Variants in TMOD2 observed in about 807,000 individuals in gnomAD.
TMOD2 encodes tropomodulin 2, also known as tropomodulin-2.
Under a neutral mutation model 39.9 loss-of-function variants are expected in TMOD2, and 22 were observed. That is an observed-to-expected ratio of 0.55 (90% CI 0.39 to 0.79). The LOEUF is 0.79. Ranked by LOEUF, TMOD2 falls within the 30% of genes least tolerant of loss-of-function variation. The pLI, the probability that TMOD2 is intolerant of heterozygous loss-of-function variation, is 0.00. For synonymous variants in TMOD2, 123 were observed against 146.1 expected, an observed-to-expected ratio of 0.84 and a Z score of 1.14; for missense variants, 386 against 413.3, an observed-to-expected ratio of 0.93 and a Z score of 0.57.
intron 1 of TMOD2, among the ~76,000 whole-genome samples, chr15:51,762,983 T>C (rs540354823): frequency 2.0e-5 from 3 of 152,218 alleles, no homozygotes; most frequent in Non-Finnish European, 4.4e-5. Context: ...TTGCCCAGGC[T>C]GGAGTGCAGT....
chr15:51,761,243 G>A (rs2055778718), intron 1 of TMOD2, among the ~76,000 whole-genome samples: 1 of 130,470 alleles, frequency 7.7e-6, no homozygotes, highest in African/African-American at 2.8e-5. Context: ...GAAAAGAAGG[G>A]GTGGTGTGAA....
chr15:51,762,863 G>T (rs912337617), intron 1 of TMOD2, among the ~76,000 whole-genome samples: 1 of 152,104 alleles, frequency 6.6e-6, no homozygotes, highest in African/African-American at 2.4e-5. Context: ...CCATGTTTTT[G>T]TGTACATCAA....
intron 7 of TMOD2, chr15:51,783,255 G>C (rs2055943941): frequency 6.0e-6 from 1 of 167,232 alleles, no homozygotes; most frequent in African/African-American, 2.4e-5. Context: ...AGGCTGAGGT[G>C]GGTGGATCAT....
At chr15:51,765,127 A>T (rs1321508036) in intron 1 of TMOD2, among the ~76,000 whole-genome samples, 1 of 152,062 alleles carries the variant, frequency 6.6e-6, no homozygotes, top group East Asian at 1.9e-4. Flanking sequence ...CAGCCTCCCG[A>T]CTAGCTGGGA....
chr15:51,758,776 G>A (rs1395817001), intron 1 of TMOD2, among the ~76,000 whole-genome samples: 1 of 152,174 alleles, frequency 6.6e-6, no homozygotes. Context: ...CTGAAGAAGT[G>A]AAGCTTGCAT....
intron 6 of TMOD2, among the ~76,000 whole-genome samples, chr15:51,781,619 G>A (rs55887408): frequency 0.44 from 67,432 of 152,078 alleles, 15,154 homozygotes; most frequent in Admixed American, 0.46. Flanking sequence ...AGATTCATGC[G>A]GCTGTTGGCA....
chr15:51,764,034 T>G (rs1353667725), intron 1 of TMOD2, among the ~76,000 whole-genome samples: 1 of 152,078 alleles, frequency 6.6e-6, no homozygotes, highest in Non-Finnish European at 1.5e-5. Context: ...TTTCTCTGAC[T>G]TTAGTAGAAT....
rs543526609 is a variant in TMOD2 at position 51,776,831 on chromosome 15, T to C, written c.407-101T>C. On this transcript the variant is annotated intron_variant, in intron 4 of 9. Transcript: ENST00000249700. ...CAAGGAAAGAGGACTCAGGGACTTA[T>C]CTTTATGATGTAAAGAATTGTTCTT... 247 of 952,716 alleles carry C rather than the reference T, an allele frequency of 2.6e-4. 2 individuals carry two copies. The highest frequency in any genetic ancestry group is 2.5e-3 in the South Asian group (186 of 74,932). 59.0% of individuals were successfully genotyped at this position (952,716 alleles called of 1,614,324 possible). A position where few individuals can be genotyped will look rare whatever the true frequency, so the allele number is the denominator to read the frequency against.
At position 51,812,410 on chromosome 15, in the gene TMOD2, C is replaced by G. The variant is rs1384271146; in HGVS notation, c.*3956C>G. 1 of 152,174 alleles carries G rather than the reference C, an allele frequency of 6.6e-6. No individual in the cohort carries two copies. The highest frequency in any genetic ancestry group is 1.5e-5 in the Non-Finnish European group (1 of 68,038). 9.4% of individuals were successfully genotyped at this position (152,174 alleles called of 1,614,324 possible). ...ATGCTCAAACTGAAAATTCTTAAAA[C>G]CAATATTAAGCATCAGCATGCTTTA... On this transcript the variant is annotated 3_prime_UTR_variant, in exon 10 of 10. Transcript: ENST00000249700.
Position 51,778,984 on chromosome 15 carries a change from G to A in TMOD2, c.493+1966G>A, listed in dbSNP as rs530969733. ...TTCCTTTTATTTTTTTGAGATAGAGGCTTGCTCTGTTGCCCAGGCTGGAGT... is the reference window on the plus strand; with the variant it reads ...TTCCTTTTATTTTTTTGAGATAGAGACTTGCTCTGTTGCCCAGGCTGGAGT... On this transcript the variant is annotated intron_variant, in intron 5 of 9. Coordinates refer to ENST00000249700, the MANE Select transcript of TMOD2 (RefSeq NM_014548.4). Among the ~76,000 whole-genome samples the A allele has an allele frequency of 2.0e-5, 3 of 149,366 alleles. No individual in the cohort carries two copies. In the East Asian group the frequency reaches 6.0e-4, roughly 30 times the overall value.
chr15:51,755,566 C>T (rs549426854), intron 1 of TMOD2, among the ~76,000 whole-genome samples: 1 of 152,250 alleles, frequency 6.6e-6, no homozygotes, highest in South Asian at 2.1e-4. Context: ...GGCACAAGCC[C>T]TAAGAAAGGA....
chr15:51,807,360 G>A (rs1464299857), intron 9 of TMOD2, among the ~76,000 whole-genome samples: 1 of 152,170 alleles, frequency 6.6e-6, no homozygotes, highest in Non-Finnish European at 1.5e-5. Context: ...GAACGGGAAG[G>A]GGCAAATAAA....
rs1274542115 is a variant in TMOD2, at chr15:51,811,757, T to C, written c.*3303T>C. ...AAGGGAGATGCTCTCTCCCCAGTCC[T>C]CTTCCCTTGTCCTTTTTAGAATTGC... On this transcript the variant is annotated 3_prime_UTR_variant, in exon 10 of 10. Coordinates refer to ENST00000249700, the MANE Select transcript of TMOD2 (RefSeq NM_014548.4). 1 of 152,234 alleles carries C rather than the reference T, an allele frequency of 6.6e-6. No homozygotes were observed. Among genetic ancestry groups the C allele is most frequent in the African/African-American group, 2.4e-5 (1 of 41,462 alleles). The allele number at this position is 152,234 out of a possible 1,614,324, so 9.4% of individuals were successfully genotyped here.
chr15:51,768,204 G>A, intron 2 of TMOD2, 58 bp from the exon 3 acceptor site: 1 of 1,599,262 alleles, frequency 6.3e-7, no homozygotes, highest in Non-Finnish European at 8.6e-7. Flanking sequence ...GGAAGAGGAA[G>A]TAGCAAAGTA....
chr15:51,800,686 T>C (rs1213573249), intron 8 of TMOD2, among the ~76,000 whole-genome samples: 1 of 152,184 alleles, frequency 6.6e-6, no homozygotes, highest in African/African-American at 2.4e-5. Flanking sequence ...GGCTTCTCTT[T>C]ATTTCTTTTT....
intron 2 of TMOD2, among the ~76,000 whole-genome samples, chr15:51,767,974 A>C (rs900118535): frequency 4.6e-5 from 7 of 152,246 alleles, no homozygotes; most frequent in African/African-American, 1.4e-4. Context: ...TCTACAAGGA[A>C]AGAGGTCTTT....
intron 8 of TMOD2, among the ~76,000 whole-genome samples, chr15:51,801,749 G>A (rs1214874608): frequency 1.3e-5 from 2 of 152,102 alleles, no homozygotes; most frequent in Non-Finnish European, 2.9e-5. Flanking sequence ...AACACAGAAG[G>A]CGATTTGAAG....
intron 3 of TMOD2, among the ~76,000 whole-genome samples, chr15:51,770,170 C>T (rs1259229914): frequency 4.6e-5 from 7 of 152,212 alleles, no homozygotes; most frequent in Non-Finnish European, 1.0e-4. Context: ...CCTCAGCCCC[C>T]ACTGTCTTCA....
intron 7 of TMOD2, among the ~76,000 whole-genome samples, chr15:51,790,491 C>T (rs2056003172): frequency 6.6e-6 from 1 of 152,138 alleles, no homozygotes; most frequent in Admixed American, 6.6e-5. Context: ...ATGGAATTCT[C>T]CCTAACTCAT....
Sources: allele counts gnomAD v4.1 joint callset (sites outside exome capture counted in the v4.1 genomes callset), GRCh38; gene constraint gnomAD v4.1.1; transcripts MANE v1.5; gene names NCBI Gene and HGNC (gene_info 2026-07-23, HGNC 2026-07-21).